Variants in KCNN2 observed in about 807,000 individuals in gnomAD.
The protein encoded by KCNN2 is potassium calcium-activated channel subfamily N member 2, also known as small conductance calcium-activated potassium channel protein 2.
In KCNN2, 24 loss-of-function variants were observed where a neutral mutation model predicts 55.5. The ratio of observed to expected loss-of-function variants is 0.43; its 90% CI spans 0.31 to 0.61. The LOEUF (loss-of-function observed/expected upper bound fraction) is 0.61. Ranked by LOEUF, KCNN2 falls within the 20% of genes least tolerant of loss-of-function variation. KCNN2 has a pLI of 0.08. For missense variants in KCNN2, 754 were observed against 853.6 expected, an observed-to-expected ratio of 0.88 and a Z score of 1.45; for synonymous variants, 431 against 336.1, an observed-to-expected ratio of 1.28 and a Z score of -3.09.
At chr5:114,369,927 G>T (rs1021805419) in intron 2 of KCNN2, among the ~76,000 whole-genome samples, 1 of 152,032 alleles carries the variant, frequency 6.6e-6, no homozygotes, top group Non-Finnish European at 1.5e-5. Flanking sequence ...CCCAAACCAC[G>T]TTTGGCAGGG....
intron 3 of KCNN2, among the ~76,000 whole-genome samples, chr5:114,435,300 T>C (rs965675818): frequency 1.3e-5 from 2 of 152,196 alleles, no homozygotes; most frequent in Non-Finnish European, 2.9e-5. Flanking sequence ...TGGGTTTTCC[T>C]TATCTACCTG....
chr5:114,311,064 G>C (rs1013840908), intron 2 of KCNN2, among the ~76,000 whole-genome samples: 12 of 152,046 alleles, frequency 7.9e-5, no homozygotes, highest in Non-Finnish European at 8.8e-5. Context: ...AATTTGGGCA[G>C]TGACTTGGTG....
intron 1 of KCNN2, among the ~76,000 whole-genome samples, chr5:114,090,575 AT>A (rs1456354041): frequency 1.0e-5 from 1 of 99,728 alleles, no homozygotes; most frequent in Admixed American, 9.9e-5. Context: ...ATATATATGT[AT>A]GTATATATAT....
At chr5:114,062,460 A>G (rs1290722373) in intron 1 of KCNN2, among the ~76,000 whole-genome samples, 1 of 152,208 alleles carries the variant, frequency 6.6e-6, no homozygotes, top group African/African-American at 2.4e-5. Context: ...ATTTTCTTCG[A>G]CTTTAAATAT....
chr5:114,267,352 A>T (rs1171983804), intron 2 of KCNN2, among the ~76,000 whole-genome samples: 1 of 151,902 alleles, frequency 6.6e-6, no homozygotes, highest in Non-Finnish European at 1.5e-5. Flanking sequence ...GCATCTCTGG[A>T]TCTATTTGCT....
chr5:114,116,445 C>A (rs1751709902), intron 1 of KCNN2, among the ~76,000 whole-genome samples: 1 of 152,054 alleles, frequency 6.6e-6, no homozygotes, highest in Non-Finnish European at 1.5e-5. Context: ...TCCTTATTAA[C>A]ATTGATTTTG....
At chr5:114,436,198 C>T (rs1408703072) in intron 3 of KCNN2, among the ~76,000 whole-genome samples, 1 of 152,182 alleles carries the variant, frequency 6.6e-6, no homozygotes, top group Non-Finnish European at 1.5e-5. Context: ...TAAGAATACA[C>T]TTTGTCAGCT....
chr5:114,103,724 C>T (rs1302807449), intron 1 of KCNN2, among the ~76,000 whole-genome samples: 2 of 149,916 alleles, frequency 1.3e-5, no homozygotes, highest in African/African-American at 2.5e-5. Context: ...TGATGGATTA[C>T]GTTTATTGAT....
In KCNN2 at chr5:114,495,987, G is replaced by A. The variant is rs761645279; in HGVS notation, c.2181G>A (p.Glu727=). 17 of 1,614,072 alleles carry A rather than the reference G, an allele frequency of 1.1e-5. No individual in the cohort carries two copies. The highest frequency in any genetic ancestry group is 1.4e-5 in the Non-Finnish European group (16 of 1,179,960). The change falls in exon 8 of 8, where the codon GAG becomes GAA. Residue 727 remains glutamate (E), a synonymous_variant. Coordinates refer to ENST00000673685, the MANE Select transcript of KCNN2 (RefSeq NM_021614.4). ...KRIVTLETKL[E]TLIGSIHALP... ...TTGTTACCCTGGAAACAAAACTAGA[G>A]ACTTTGATTGGTAGCATCCACGCCC...
At chr5:114,222,773 T>C (rs576718041) in intron 2 of KCNN2, among the ~76,000 whole-genome samples, 5 of 152,304 alleles carry the variant, frequency 3.3e-5, no homozygotes, top group Non-Finnish European at 7.4e-5. Flanking sequence ...GGTCTCAAAA[T>C]AGGCCTTCAC....
chr5:114,496,393 A>G lies in KCNN2; in HGVS notation c.*211A>G. ...CAGGGAATGCACCTATTATTGCTAT[A>G]TAGATTGTTCCTCCTGTAATTTCAC... On this transcript the variant is annotated 3_prime_UTR_variant, in exon 8 of 8. Transcript: ENST00000673685. 2.0e-6 allele frequency: 1 copy of G among 510,802 alleles called. No individual in the cohort carries two copies. The highest frequency in any genetic ancestry group is 3.4e-5 in the South Asian group (1 of 29,494). 31.6% of individuals were successfully genotyped at this position (510,802 alleles called of 1,614,324 possible).
At chr5:114,103,441 G>A (rs576513953) in intron 1 of KCNN2, among the ~76,000 whole-genome samples, 1 of 152,038 alleles carries the variant, frequency 6.6e-6, no homozygotes, top group South Asian at 2.1e-4. Flanking sequence ...TGATTACCCT[G>A]GCCAGAACTT....
chr5:114,457,091 T>A (rs1760959353), intron 3 of KCNN2, among the ~76,000 whole-genome samples: 1 of 152,222 alleles, frequency 6.6e-6, no homozygotes, highest in Non-Finnish European at 1.5e-5. Flanking sequence ...TGCTATCATA[T>A]AGCATCATAT....
intron 3 of KCNN2, among the ~76,000 whole-genome samples, chr5:114,449,362 G>A (rs1760550216): frequency 6.6e-6 from 1 of 152,182 alleles, no homozygotes; most frequent in African/African-American, 2.4e-5. Flanking sequence ...CCTCAGGTAT[G>A]TCACCTTGCT....
At chr5:114,289,551 A>G (rs1755840173) in intron 2 of KCNN2, among the ~76,000 whole-genome samples, 3 of 151,710 alleles carry the variant, frequency 2.0e-5, no homozygotes, top group Non-Finnish European at 4.4e-5. Flanking sequence ...TAACTTTTGT[A>G]TTTTTAGTCT....
At chr5:114,227,853 T>C (rs1260943199) in intron 2 of KCNN2, among the ~76,000 whole-genome samples, 3 of 152,060 alleles carry the variant, frequency 2.0e-5, no homozygotes, top group African/African-American at 7.2e-5. Flanking sequence ...AAGGTAAACA[T>C]GAAGAGTATA....
chr5:114,120,472 G>T (rs568978545), intron 1 of KCNN2, among the ~76,000 whole-genome samples: 4 of 152,094 alleles, frequency 2.6e-5, no homozygotes, highest in African/African-American at 9.7e-5. Flanking sequence ...ATCACCCTTT[G>T]GAGTGTTCAA....
intron 4 of KCNN2, among the ~76,000 whole-genome samples, chr5:114,472,526 G>T (rs910495144): frequency 7.3e-6 from 1 of 137,696 alleles, no homozygotes; most frequent in Middle Eastern, 3.8e-3. Context: ...TTCCTGTTAC[G>T]CTTCCTCTTG....
At chr5:114,451,373 A>G (rs1333219478) in intron 3 of KCNN2, among the ~76,000 whole-genome samples, 2 of 152,184 alleles carry the variant, frequency 1.3e-5, no homozygotes, top group African/African-American at 4.8e-5. Context: ...TGAAACTGTC[A>G]TTAGCCAAGG....
Sources: allele counts gnomAD v4.1 joint callset (sites outside exome capture counted in the v4.1 genomes callset), GRCh38; gene constraint gnomAD v4.1.1; transcripts MANE v1.5; gene names NCBI Gene and HGNC (gene_info 2026-07-23, HGNC 2026-07-21).